The following PHF19 variants were observed in gnomAD, a reference collection of about 807,000 sequenced individuals.
PHF19 encodes the protein polycomb like 3.
PHF19 carries 21 observed loss-of-function variants against 79.8 expected under a neutral mutation model. That is an observed-to-expected ratio of 0.26 (90% confidence interval 0.19 to 0.38). The LOEUF (loss-of-function observed/expected upper bound fraction) is 0.38, where lower values mean the gene tolerates loss of function less well. Among genes scored for constraint, PHF19 ranks in the 10% least tolerant of loss-of-function variants. The probability of loss-of-function intolerance (pLI) is 1.00; values close to 1 mark genes in which losing one functional copy is unlikely to be tolerated. For synonymous variants in PHF19, 273 were observed against 296.3 expected (o/e 0.92, Z 0.81); for missense variants, 445 against 744.2 (o/e 0.60, Z 4.68).
At chr9:120,865,033 A>G (rs1406691426) in intron 9 of PHF19, among the ~76,000 whole-genome samples, 1 of 152,254 alleles carries the variant, frequency 6.6e-6, no homozygotes. Flanking sequence ...TTTTAAAAAA[A>G]TTATCAAATA....
intron 9 of PHF19, 133 bp from the exon 10 acceptor site, chr9:120,864,249 G>A: frequency 1.4e-6 from 1 of 720,232 alleles, no homozygotes; most frequent in Non-Finnish European, 2.4e-6. Context: ...CTCACTCCAG[G>A]ATCTCAGAAA....
At position 120,870,564 on chromosome 9, in the gene PHF19, G is replaced by A; in HGVS notation, c.269-26C>T. ...CTGAAAGAGAGGGCCTCGAGGGTCGGGTCCAGCTCACAGGAATGGAAGTTT... is the reference window on the plus strand; with the variant it reads ...CTGAAAGAGAGGGCCTCGAGGGTCGAGTCCAGCTCACAGGAATGGAAGTTT... On this transcript the variant is annotated intron_variant, in intron 3 of 14. Transcript: ENST00000373896. This position sits in a 1 kb window ranked among gnomAD's most constrained non-coding sequence, Gnocchi z 4.4. 7.4e-7 allele frequency: 1 copy of A among 1,354,654 alleles called. No homozygotes were observed. Among genetic ancestry groups the A allele is most frequent in the African/African-American group, 1.4e-5 (1 of 69,998 alleles). The allele number at this position is 1,354,654 out of a possible 1,614,324, so 83.9% of individuals were successfully genotyped here.
the PHF19 span, chr9:120,903,778 G>A: frequency 6.6e-6 from 1 of 152,220 alleles, no homozygotes; most frequent in Non-Finnish European, 1.5e-5. Flanking sequence ...GCCAGGGAGG[G>A]AGGCAAGCTG....
In PHF19 at chr9:120,861,964, T is replaced by C. The variant is rs758691511; in HGVS notation, c.1172A>G (p.Tyr391Cys). 1 of 1,613,974 alleles carries C rather than the reference T, an allele frequency of 6.2e-7. No homozygotes were observed. Among genetic ancestry groups the C allele is most frequent in the South Asian group, 1.1e-5 (1 of 91,084 alleles). ...CAAAAACTTTGATCTTTTTCTTCTA[T>C]AAACTCGCCTTTTCTGCTGCTGGAA... ...HEFQQQKRRV[Y>C]RRKRSKFLLE... The change falls in exon 12 of 15, where the codon TAT becomes TGT. Residue 391 changes from tyrosine to cysteine, a missense_variant. Physicochemically the swap from Tyr to Cys is radical, Grantham distance 194. Around this residue, in one of 5 missense-constraint regions of PHF19, gnomAD observed 83 missense variants for 85.5 expected, o/e 0.97. Coordinates refer to ENST00000373896, the MANE Select transcript of PHF19 (RefSeq NM_015651.3).
At chr9:120,885,980 C>T (rs982915724) in intron 1 of PHF19, among the ~76,000 whole-genome samples, 7 of 152,180 alleles carry the variant, frequency 4.6e-5, no homozygotes, top group South Asian at 4.1e-4. Flanking sequence ...GGAACTCTCA[C>T]GTCTGGCCTT....
intron 14 of PHF19, among the ~76,000 whole-genome samples, chr9:120,859,231 CTTTTTTTTTTT>C (rs59695692): frequency 9.5e-6 from 1 of 104,996 alleles, no homozygotes; most frequent in African/African-American, 3.3e-5. Flanking sequence ...TACCATTGTC[CTTTTTTTTTTT>C]TTTTTTTTTT....
intron 1 of PHF19, among the ~76,000 whole-genome samples, chr9:120,888,255 T>C (rs10760122): frequency 0.68 from 103,889 of 151,820 alleles, 35,792 homozygotes; most frequent in Middle Eastern, 0.8. Flanking sequence ...GGATTACAGG[T>C]TTGAGCCACC....
At chr9:120,864,606 C>T (rs1171815558) in intron 9 of PHF19, among the ~76,000 whole-genome samples, 2 of 152,260 alleles carry the variant, frequency 1.3e-5, no homozygotes, top group Admixed American at 6.5e-5. Flanking sequence ...TCACTTGAAC[C>T]CAGTGGGAGG....
At chr9:120,894,700 T>C (rs1040614269) in intron 1 of PHF19, 5 of 519,920 alleles carry the variant, frequency 9.6e-6, no homozygotes, top group African/African-American at 8.1e-5. Flanking sequence ...ATGCGTTCCA[T>C]ATGGCGGCGG....
chr9:120,894,974 G>A (rs1014252722), upstream of PHF19: 1 of 378,964 alleles, frequency 2.6e-6, no homozygotes, highest in South Asian at 1.4e-4. Flanking sequence ...AAATCGATGG[G>A]AGCCTGCCAT....
rs1476288457 is a variant in PHF19, at chr9:120,887,649, C to CAG, written c.42+7138_42+7139insCT. 4.2e-4 allele frequency among the ~76,000 whole-genome samples: 17 copies of CAG among 40,612 alleles called. No homozygotes were observed. In the Admixed American group the frequency reaches 4.2e-3, roughly 10 times the overall value. The allele number at this position is 40,612 out of a possible 152,430, so 26.6% of individuals were successfully genotyped here. The stretch of plus-strand genomic sequence containing the variant: ...ACACACACACACACACACACACACA[C>CAG]ACAGACACACACACACACACACACA... On this transcript the variant is annotated intron_variant, in intron 1 of 14. Coordinates refer to the PHF19 transcript ENST00000616568.
chr9:120,869,622 C>A lies in PHF19; in HGVS notation c.465+223G>T. ...TAATAGTAAAGCATCATTTATTGGT[C>A]CCGTTATTCCCGACACCAAACCCAT... On this transcript the variant is annotated intron_variant, in intron 5 of 14. Transcript: ENST00000373896. The surrounding 1 kb of genome is among the most constrained non-coding windows in gnomAD (Gnocchi z 5.8). 6.6e-7 allele frequency: 1 copy of A among 1,511,300 alleles called. No homozygotes were observed. Among genetic ancestry groups the A allele is most frequent in the Non-Finnish European group, 8.9e-7 (1 of 1,125,882 alleles). The allele number at this position is 1,511,300 out of a possible 1,614,324, so 93.6% of individuals were successfully genotyped here. A position where few individuals can be genotyped will look rare whatever the true frequency, so the allele number is the denominator to read the frequency against.
intron 9 of PHF19, among the ~76,000 whole-genome samples, 194 bp downstream of exon 9, chr9:120,865,516 G>C (rs2045672759): frequency 6.6e-6 from 1 of 152,176 alleles, no homozygotes; most frequent in Non-Finnish European, 1.5e-5. Context: ...CACTGAACTG[G>C]GGAGGCCCCA....
intron 14 of PHF19, 115 bp downstream of exon 14, chr9:120,859,975 C>T (rs1471491168): frequency 1.9e-5 from 13 of 673,864 alleles, no homozygotes; most frequent in Non-Finnish European, 2.5e-5. Flanking sequence ...AGGTACTCCC[C>T]GCCAGAGACT....
chr9:120,873,451 T>A (rs1000980740), intron 3 of PHF19, among the ~76,000 whole-genome samples: 8 of 152,228 alleles, frequency 5.3e-5, no homozygotes, highest in Non-Finnish European at 1.0e-4. Context: ...CATCCAGGCA[T>A]GTCCATCTTC....
the PHF19 span, among the ~76,000 whole-genome samples, chr9:120,900,013 GTC>G: frequency 1.3e-5 from 2 of 152,196 alleles, no homozygotes; most frequent in East Asian, 3.8e-4. Context: ...TTGAGACAGA[GTC>G]TTGCTCTGTC....
At chr9:120,890,304 C>T (rs967012413) in intron 1 of PHF19, among the ~76,000 whole-genome samples, 14 of 105,680 alleles carry the variant, frequency 1.3e-4, no homozygotes, top group Non-Finnish European at 2.5e-4. Flanking sequence ...TTCCTGTTAA[C>T]GCTTTTGACG....
chr9:120,886,685 C>T (rs898467165), intron 1 of PHF19, among the ~76,000 whole-genome samples: 1 of 152,172 alleles, frequency 6.6e-6, no homozygotes, highest in African/African-American at 2.4e-5. Flanking sequence ...CTGTAGTCAC[C>T]GCCCTCTGGC....
chr9:120,868,894 C>T (rs2045794229), intron 6 of PHF19: 2 of 1,045,800 alleles, frequency 1.9e-6, no homozygotes, highest in African/African-American at 1.7e-5. Context: ...CGGGCCCGCC[C>T]CCCGAGGCCC....
Sources: gnomAD v4.1 joint callset for allele counts (sites outside exome capture counted in the v4.1 genomes callset) on GRCh38, gnomAD v4.1.1 for gene constraint, gnomAD v4.1.1 regional missense constraint, Gnocchi (gnomAD v3.1) non-coding constraint, MANE v1.5 for transcripts, NCBI Gene and HGNC (gene_info 2026-07-23, HGNC 2026-07-21) for gene names.